Variants in SCN7A observed in about 807,000 individuals in gnomAD.
SCN7A encodes the protein sodium channel protein type 7 subunit alpha.
SCN7A carries 138 observed loss-of-function variants against 155.2 expected under a neutral mutation model. The observed-to-expected ratio is 0.89, with a 90% CI of 0.77 to 1.02. The LOEUF is 1.02. SCN7A is among the 50% of genes least tolerant of loss of function. The probability of loss-of-function intolerance (pLI) is 0.00; values close to 1 mark genes in which losing one functional copy is unlikely to be tolerated. For synonymous variants in SCN7A, 693 were observed against 649.0 expected (o/e 1.07, Z -1.03); for missense variants, 2,058 against 1,986.6 (o/e 1.04, Z -0.68).
At chr2:166,437,430 TC>T (rs1224576123) in intron 15 of SCN7A, among the ~76,000 whole-genome samples, 1 of 152,090 alleles carries the variant, frequency 6.6e-6, no homozygotes, top group African/African-American at 2.4e-5. Context: ...GGGGCAGAGC[TC>T]TCATGGAGAA....
At chr2:166,476,473 AACCTTGGC>A (rs1702799972) in intron 3 of SCN7A, among the ~76,000 whole-genome samples, 1 of 151,918 alleles carries the variant, frequency 6.6e-6, no homozygotes, top group African/African-American at 2.4e-5. Context: ...CTAAGCTGAA[AACCTTGGC>A]ATTTTTAGTC....
chr2:166,417,258 G>A (rs1366781890), intron 20 of SCN7A, among the ~76,000 whole-genome samples: 1 of 152,170 alleles, frequency 6.6e-6, no homozygotes, highest in Non-Finnish European at 1.5e-5. Context: ...TGGATCACCA[G>A]GTCAGGAGAT....
chr2:166,435,004 A>C (rs1275533876), intron 15 of SCN7A, among the ~76,000 whole-genome samples: 1 of 152,154 alleles, frequency 6.6e-6, no homozygotes, highest in East Asian at 1.9e-4. Flanking sequence ...TAAGGAAATT[A>C]CATCAAAGAT....
In SCN7A at chr2:166,405,903, C is replaced by T. The variant is rs372024247; in HGVS notation, c.4726G>A (p.Asp1576Asn). 2.4e-5 allele frequency: 39 copies of T among 1,613,048 alleles called. No individual in the cohort carries two copies. Among genetic ancestry groups the T allele is most frequent in the African/African-American group, 2.0e-4 (15 of 74,922 alleles). The change falls in exon 26 of 26, where the codon GAT becomes AAT. Residue 1576 changes from aspartate (D) to asparagine (N), a missense_variant. Asp to Asn is a conservative substitution (Grantham distance 23, BLOSUM62 1). Transcript: ENST00000643258. ...CTCTTTGTAAAAGCAAGTAAGATAT[C>T]GAGGCAATGAATTCTGTCCCCAACA... Reference protein sequence around the residue: ...MAVGDRIHCLDILLAFTKRVM... With the variant: ...MAVGDRIHCLNILLAFTKRVM...
In SCN7A at chr2:166,405,880, C is replaced by T. The variant is rs1409649300; in HGVS notation, c.4749G>A (p.Lys1583=). The T allele has an allele frequency of 6.8e-6, 11 of 1,613,022 alleles. No homozygotes were observed. The highest frequency in any genetic ancestry group is 8.5e-6 in the Non-Finnish European group (10 of 1,179,414). Residue 1583 remains lysine (K), a synonymous_variant, in exon 26 of 26, where the codon AAG becomes AAA. Coordinates refer to ENST00000643258, the MANE Select transcript of SCN7A (RefSeq NM_002976.4). ...HCLDILLAFT[K]RVMGQDVRME... ...TCCTCACATCTTGACCCATAACTCT[C>T]TTTGTAAAAGCAAGTAAGATATCGA...
chr2:166,413,365 A>G (rs565000361), intron 21 of SCN7A, among the ~76,000 whole-genome samples: 1 of 152,244 alleles, frequency 6.6e-6, no homozygotes, highest in East Asian at 1.9e-4. Context: ...ATAAATAGAG[A>G]AACAGATATA....
chr2:166,479,530 T>A (rs1702873436), intron 2 of SCN7A, among the ~76,000 whole-genome samples: 1 of 152,038 alleles, frequency 6.6e-6, no homozygotes, highest in African/African-American at 2.4e-5. Flanking sequence ...GTTTTCTGGG[T>A]TTTGCTTTGC....
intron 15 of SCN7A, among the ~76,000 whole-genome samples, chr2:166,439,073 A>ATATATT (rs1701902046): frequency 6.8e-6 from 1 of 146,758 alleles, no homozygotes; most frequent in East Asian, 2.0e-4. Flanking sequence ...ATATATATAT[A>ATATATT]TATATAGCCT....
In SCN7A at chr2:166,414,004, A is replaced by ATATATAT. The variant is rs1559087806; in HGVS notation, c.3415-884_3415-883insATATATA. Among the ~76,000 whole-genome samples, 8 of 45,804 alleles carry ATATATAT rather than the reference A, an allele frequency of 1.7e-4. 1 individual carries two copies. Among genetic ancestry groups the ATATATAT allele is most frequent in the East Asian group, 1.7e-3 (4 of 2,424 alleles). 30.0% of individuals were successfully genotyped at this position (45,804 alleles called of 152,430 possible). ...GTGTATATATATATATATATATATA[A>ATATATAT]ATATACTATATATATGTAAATATAT... On this transcript the variant is annotated intron_variant, in intron 21 of 25. Coordinates refer to ENST00000643258, the MANE Select transcript of SCN7A (RefSeq NM_002976.4).
At chr2:166,478,027 C>A (rs1016622109) in intron 2 of SCN7A, among the ~76,000 whole-genome samples, 1 of 151,722 alleles carries the variant, frequency 6.6e-6, no homozygotes, top group Non-Finnish European at 1.5e-5. Context: ...ATACTTTTTT[C>A]TGGCCAAATC....
chr2:166,475,078 GTGTATATATATATACACATATATA>G (rs1322861991), intron 3 of SCN7A, among the ~76,000 whole-genome samples: 2 of 91,242 alleles, frequency 2.2e-5, no homozygotes, highest in East Asian at 3.0e-4. Context: ...TTTTATATTT[GTGTATATATATATACACATATATA>G]TGTATATATA....
At chr2:166,428,778 T>C (rs1475915464) in intron 17 of SCN7A, among the ~76,000 whole-genome samples, 1 of 152,120 alleles carries the variant, frequency 6.6e-6, no homozygotes, top group Non-Finnish European at 1.5e-5. Flanking sequence ...ATAATGTTCA[T>C]ATTTGATTTT....
At chr2:166,449,888 A>G (rs1702141956) in intron 11 of SCN7A, among the ~76,000 whole-genome samples, 1 of 152,188 alleles carries the variant, frequency 6.6e-6, no homozygotes, top group African/African-American at 2.4e-5. Context: ...AGTTCAGCCA[A>G]TGTGGAAAGC....
rs753363340 is a variant in SCN7A at position 166,445,044 on chromosome 2, A to C, written c.1388-44T>G. ...AAAGTTAAACATTCTGGCCGGGTGC[A>C]GTGGCTCATGCCTGTAATCCCAGCA... On this transcript the variant is annotated intron_variant, in intron 12 of 25. Coordinates refer to ENST00000643258, the MANE Select transcript of SCN7A (RefSeq NM_002976.4). The C allele has an allele frequency of 3.2e-6, 4 of 1,247,926 alleles. No homozygotes were observed. In the East Asian group the frequency reaches 9.5e-5, roughly 30 times the overall value. 77.3% of individuals were successfully genotyped at this position (1,247,926 alleles called of 1,614,324 possible). A position where few individuals can be genotyped will look rare whatever the true frequency, so the allele number is the denominator to read the frequency against.
intron 1 of SCN7A, among the ~76,000 whole-genome samples, chr2:166,493,543 A>T (rs886945861): frequency 6.6e-6 from 1 of 152,220 alleles, no homozygotes; most frequent in Non-Finnish European, 1.5e-5. Flanking sequence ...CTTTGGGAAA[A>T]TCAATCTTGA....
intron 18 of SCN7A, among the ~76,000 whole-genome samples, chr2:166,423,848 T>C (rs1200363370): frequency 6.6e-6 from 1 of 152,114 alleles, no homozygotes; most frequent in Admixed American, 6.6e-5. Flanking sequence ...GAAACAGATA[T>C]GTTTTTAAAA....
chr2:166,452,756 G>A (rs1272930351), intron 11 of SCN7A, among the ~76,000 whole-genome samples: 1 of 152,114 alleles, frequency 6.6e-6, no homozygotes, highest in African/African-American at 2.4e-5. Context: ...GTAAATGATG[G>A]ATTGTATTCC....
chr2:166,452,012 C>A (rs768394722), intron 11 of SCN7A, among the ~76,000 whole-genome samples: 5 of 151,960 alleles, frequency 3.3e-5, no homozygotes, highest in African/African-American at 1.2e-4. Context: ...TCACAATTAG[C>A]AAAATTAGTA....
chr2:166,456,949 A>C lies in SCN7A; in HGVS notation c.1211T>G (p.Val404Gly), dbSNP rs747386716. 2 of 1,589,304 alleles carry C rather than the reference A, an allele frequency of 1.3e-6. No individual in the cohort carries two copies. The highest frequency in any genetic ancestry group is 2.3e-5 in the South Asian group (2 of 87,268). Residue 404 changes from valine to glycine, a missense_variant, in exon 11 of 26, where the codon GTT becomes GGT. By Grantham distance (109) the Val-to-Gly change is moderately radical. Coordinates refer to ENST00000643258, the MANE Select transcript of SCN7A (RefSeq NM_002976.4). ...AMAYEEEKQRVGEISKKIEPK... is the reference protein window; with the variant it reads ...AMAYEEEKQRGGEISKKIEPK... ...TTCAATCTTCTTAGATATTTCACCA[A>C]CTCTCTGCTTTTCTTCTTCATAGGC...
Sources: gnomAD v4.1 joint callset for allele counts (sites outside exome capture counted in the v4.1 genomes callset) on GRCh38, gnomAD v4.1.1 for gene constraint, MANE v1.5 for transcripts, NCBI Gene and HGNC (gene_info 2026-07-23, HGNC 2026-07-21) for gene names.